ARHGAP22: variants seen among roughly 807,000 people sequenced by gnomAD.
ARHGAP22 encodes Rho GTPase activating protein 22.
A neutral mutation model predicts 59.1 loss-of-function variants in ARHGAP22; 48 were observed. The observed-to-expected ratio is 0.81, with a 90% CI of 0.64 to 1.03. The LOEUF (loss-of-function observed/expected upper bound fraction) is 1.03, where lower values mean the gene tolerates loss of function less well. Ranked by LOEUF, ARHGAP22 falls within the 50% of genes least tolerant of loss-of-function variation. ARHGAP22 has a pLI of 0.00. For synonymous variants in ARHGAP22, 445 were observed against 416.4 expected (o/e 1.07, Z -0.84); for missense variants, 1,015 against 958.7 (o/e 1.06, Z -0.78).
upstream of ARHGAP22, chr10:48,605,278 C>T (rs2060623822): frequency 1.9e-6 from 1 of 539,466 alleles, no homozygotes; most frequent in African/African-American, 2.0e-5. Context: ...CTGGGAGCCG[C>T]ACTCCCTGCC....
At chr10:48,458,811 G>A (rs2046839888) in intron 5 of ARHGAP22, among the ~76,000 whole-genome samples, 1 of 152,192 alleles carries the variant, frequency 6.6e-6, no homozygotes, top group African/African-American at 2.4e-5. Flanking sequence ...TACCTCCCTG[G>A]GTGGAGCACC....
At chr10:48,431,085 C>T in the ARHGAP22 span, 1 of 697,528 alleles carries the variant, frequency 1.4e-6, no homozygotes, top group East Asian at 2.7e-5. Context: ...TGTAAGGACA[C>T]TGTTTGAAGT....
chr10:48,613,127 G>A (rs547204656), intron 1 of ARHGAP22, among the ~76,000 whole-genome samples: 10 of 152,160 alleles, frequency 6.6e-5, no homozygotes, highest in East Asian at 3.9e-4. Context: ...TGAGAGTCTC[G>A]TGCACATGTG....
chr10:48,565,058 C>T (rs1199441452), intron 2 of ARHGAP22, among the ~76,000 whole-genome samples: 1 of 152,214 alleles, frequency 6.6e-6, no homozygotes, highest in Non-Finnish European at 1.5e-5. Flanking sequence ...CCAGAACTCA[C>T]CCAAATCGTA....
At chr10:48,654,030 T>C (rs911311657), upstream of ARHGAP22, among the ~76,000 whole-genome samples, 6 of 152,184 alleles carry the variant, frequency 3.9e-5, no homozygotes, top group African/African-American at 1.4e-4. Flanking sequence ...ATTTTCTCTT[T>C]GATCAAAAAA....
At chr10:48,476,531 C>G (rs554112546) in intron 4 of ARHGAP22, among the ~76,000 whole-genome samples, 3 of 152,346 alleles carry the variant, frequency 2.0e-5, no homozygotes, top group South Asian at 4.1e-4. Flanking sequence ...CAGGGGCCGA[C>G]TGAGCCCACC....
chr10:48,465,125 C>A (rs2047523139), intron 4 of ARHGAP22, among the ~76,000 whole-genome samples: 1 of 152,220 alleles, frequency 6.6e-6, no homozygotes, highest in African/African-American at 2.4e-5. Flanking sequence ...TCCTGGCACC[C>A]TCGGAGGGGA....
chr10:48,521,466 G>T (rs1267447620), intron 3 of ARHGAP22, among the ~76,000 whole-genome samples: 2 of 152,196 alleles, frequency 1.3e-5, no homozygotes, highest in Non-Finnish European at 2.9e-5. Flanking sequence ...TTATCAAGTA[G>T]ATTTTTACAC....
chr10:48,484,897 C>T (rs1437614200), intron 3 of ARHGAP22, among the ~76,000 whole-genome samples: 1 of 152,216 alleles, frequency 6.6e-6, no homozygotes, highest in African/African-American at 2.4e-5. Flanking sequence ...TTTTATTGAT[C>T]TCAACAAATC....
intron 3 of ARHGAP22, among the ~76,000 whole-genome samples, chr10:48,482,401 A>G (rs1200752173): frequency 6.6e-6 from 1 of 152,216 alleles, no homozygotes; most frequent in Non-Finnish European, 1.5e-5. Flanking sequence ...CTATCTGCAA[A>G]TAGAGACAGT....
chr10:48,594,343 G>A (rs1420880375), intron 1 of ARHGAP22, among the ~76,000 whole-genome samples: 2 of 152,210 alleles, frequency 1.3e-5, no homozygotes, highest in African/African-American at 2.4e-5. Context: ...CTGCTTGGGT[G>A]AGCCTGGGAC....
intron 3 of ARHGAP22, among the ~76,000 whole-genome samples, chr10:48,492,531 T>C: frequency 6.6e-6 from 1 of 152,256 alleles, no homozygotes; most frequent in East Asian, 1.9e-4. Context: ...TGTATTTATG[T>C]TTAAAGTATA....
At chr10:48,612,954 C>T (rs1342538198) in intron 1 of ARHGAP22, among the ~76,000 whole-genome samples, 2 of 152,196 alleles carry the variant, frequency 1.3e-5, no homozygotes, top group Non-Finnish European at 2.9e-5. Flanking sequence ...CCTTCAAAAC[C>T]CTGGACTTTT....
chr10:48,595,475 T>G (rs2060013173), intron 1 of ARHGAP22, among the ~76,000 whole-genome samples: 1 of 152,216 alleles, frequency 6.6e-6, no homozygotes, highest in Admixed American at 6.5e-5. Flanking sequence ...TAATGGTTCT[T>G]GAGTGCCCCT....
chr10:48,634,997 G>A (rs979716995), intron 1 of ARHGAP22, among the ~76,000 whole-genome samples: 3 of 152,124 alleles, frequency 2.0e-5, no homozygotes, highest in African/African-American at 4.8e-5. Context: ...TAGACTTCCA[G>A]CCTCCAGAAT....
At chr10:48,541,898 T>C (rs1481568853) in intron 3 of ARHGAP22, among the ~76,000 whole-genome samples, 2 of 152,172 alleles carry the variant, frequency 1.3e-5, no homozygotes. Flanking sequence ...TGGGGGGAGT[T>C]CAGTTAAAGG....
intron 3 of ARHGAP22, among the ~76,000 whole-genome samples, chr10:48,551,027 T>C (rs1423789613): frequency 6.6e-6 from 1 of 152,166 alleles, no homozygotes; most frequent in Non-Finnish European, 1.5e-5. Context: ...TGTGCTGGCA[T>C]AGATAGGGGT....
chr10:48,496,728 C>T (rs532007662), intron 3 of ARHGAP22, among the ~76,000 whole-genome samples: 12 of 152,182 alleles, frequency 7.9e-5, no homozygotes, highest in Admixed American at 2.6e-4. Flanking sequence ...GAAGTCTGTA[C>T]TGCCGTGTGC....
Position 48,590,188 on chromosome 10 carries a change from C to T in ARHGAP22, c.35-7036G>A, listed in dbSNP as rs986207032. On this transcript the variant is annotated intron_variant, in intron 1 of 9. Coordinates refer to ENST00000249601, the MANE Select transcript of ARHGAP22 (RefSeq NM_021226.4). ...CTAGAGAACTCTTTCAGGAATGTTC[C>T]CTGCAAGCAGGAGAGAAGAGGGGAG... 3.3e-5 allele frequency among the ~76,000 whole-genome samples: 5 copies of T among 151,750 alleles called. No individual in the cohort carries two copies. In the South Asian group the frequency reaches 1.0e-3, roughly 32 times the overall value.
Sources: allele counts gnomAD v4.1 joint callset (sites outside exome capture counted in the v4.1 genomes callset), GRCh38; gene constraint gnomAD v4.1.1; transcripts MANE v1.5; gene names NCBI Gene and HGNC (gene_info 2026-07-23, HGNC 2026-07-21).